Variants in HSPA12A observed in about 807,000 individuals in gnomAD.
HSPA12A encodes the protein heat shock protein family A (Hsp70) member 12A.
In HSPA12A, 28 loss-of-function variants were observed where a neutral mutation model predicts 69.2. The observed-to-expected ratio is 0.40, with a 90% CI of 0.30 to 0.55. The LOEUF (loss-of-function observed/expected upper bound fraction) is 0.55, where lower values mean the gene tolerates loss of function less well. Among genes scored for constraint, HSPA12A ranks in the 20% least tolerant of loss-of-function variants. HSPA12A has a pLI of 0.38. For synonymous variants in HSPA12A, 345 were observed against 370.5 expected (o/e 0.93, Z 0.79); for missense variants, 686 against 900.7 (o/e 0.76, Z 3.05).
chr10:116,754,612 CAG>C (rs1843789113), intron 2 of HSPA12A, among the ~76,000 whole-genome samples: 6 of 152,290 alleles, frequency 3.9e-5, no homozygotes, highest in Admixed American at 3.9e-4. Context: ...CTGTATCTCT[CAG>C]AGTCCAAGAA....
chr10:116,718,410 C>A (rs1409879102), intron 1 of HSPA12A, among the ~76,000 whole-genome samples: 1 of 152,186 alleles, frequency 6.6e-6, no homozygotes. Flanking sequence ...CATCTCCAGG[C>A]AGGAAGGGGA....
chr10:116,823,622 C>A (rs1460259106), intron 2 of HSPA12A, among the ~76,000 whole-genome samples: 1 of 152,086 alleles, frequency 6.6e-6, no homozygotes, highest in Non-Finnish European at 1.5e-5. Flanking sequence ...TGCTTTTTGA[C>A]AAGGGGGTGA....
intron 1 of HSPA12A, among the ~76,000 whole-genome samples, chr10:116,714,261 G>A (rs1277051096): frequency 6.6e-6 from 1 of 152,094 alleles, no homozygotes; most frequent in Admixed American, 6.5e-5. Flanking sequence ...ACTCTCTTGA[G>A]TTGGATATTA....
intron 2 of HSPA12A, among the ~76,000 whole-genome samples, chr10:116,765,225 T>C (rs1554889633): frequency 6.6e-6 from 1 of 152,204 alleles, no homozygotes; most frequent in Non-Finnish European, 1.5e-5. Flanking sequence ...TTTTGGTTTC[T>C]AAATACCATT....
At chr10:116,784,088 C>A (rs1378027094) in intron 2 of HSPA12A, among the ~76,000 whole-genome samples, 6 of 152,240 alleles carry the variant, frequency 3.9e-5, no homozygotes, top group African/African-American at 1.4e-4. Context: ...ACATCAGGAC[C>A]TGGTTGCAGT....
intron 10 of HSPA12A, among the ~76,000 whole-genome samples, chr10:116,678,285 G>A (rs1849297364): frequency 7.0e-6 from 1 of 142,756 alleles, no homozygotes; most frequent in South Asian, 2.2e-4. Flanking sequence ...CCACCCGTAA[G>A]GCAGATATGC....
upstream of HSPA12A, among the ~76,000 whole-genome samples, chr10:116,746,239 C>G (rs1164961891): frequency 6.6e-6 from 1 of 152,124 alleles, no homozygotes; most frequent in Non-Finnish European, 1.5e-5. Flanking sequence ...AAATAGAAGT[C>G]AGAGTCCAGA....
chr10:116,756,126 G>C (rs1843844384), intron 2 of HSPA12A, among the ~76,000 whole-genome samples: 1 of 152,176 alleles, frequency 6.6e-6, no homozygotes, highest in South Asian at 2.1e-4. Flanking sequence ...GAGGGATAAT[G>C]AGGGAGGCTT....
At chr10:116,743,488 C>T (rs1399567686), upstream of HSPA12A, among the ~76,000 whole-genome samples, 1 of 152,218 alleles carries the variant, frequency 6.6e-6, no homozygotes, top group Non-Finnish European at 1.5e-5. Context: ...ATCTCCTTTC[C>T]TCCCCATAAC....
chr10:116,700,965 T>C lies in HSPA12A; in HGVS notation c.419A>G (p.Lys140Arg), dbSNP rs782263094. 1.2e-6 allele frequency: 2 copies of C among 1,613,898 alleles called. No homozygotes were observed. Among genetic ancestry groups the C allele is most frequent in the Admixed American group, 1.7e-5 (1 of 60,020 alleles). The change falls in exon 4 of 12, where the codon AAG becomes AGG. Residue 140 changes from lysine to arginine, a missense_variant. Physicochemically the swap from Lys to Arg is conservative, Grantham distance 26 (BLOSUM62 2). Coordinates refer to ENST00000369209, the MANE Select transcript of HSPA12A (RefSeq NM_025015.3). ...AKQWLYLEKF[K>R]MKLHTTGDLT... ...CACCCCAGTGGTGTGCAGCTTCATC[T>C]TGAACTTCTCCAGGTACAGCCACTG... is the stretch of plus-strand genomic sequence containing the variant.
chr10:116,752,111 T>C (rs1167524260), intron 2 of HSPA12A, among the ~76,000 whole-genome samples: 4 of 152,208 alleles, frequency 2.6e-5, no homozygotes, highest in Admixed American at 2.0e-4. Context: ...TCCACACTTA[T>C]GTTGGCCTCT....
intron 1 of HSPA12A, among the ~76,000 whole-genome samples, chr10:116,726,799 T>C (rs1169529085): frequency 6.6e-6 from 1 of 152,164 alleles, no homozygotes; most frequent in Admixed American, 6.5e-5. Flanking sequence ...GAAAATGAAG[T>C]TGGCTCACAG....
intron 2 of HSPA12A, chr10:116,833,227 G>A (rs1380041702): frequency 1.3e-5 from 2 of 152,224 alleles, no homozygotes; most frequent in African/African-American, 4.8e-5. Context: ...GTGCTCAAGT[G>A]CTGGTGCGTC....
intron 2 of HSPA12A, among the ~76,000 whole-genome samples, chr10:116,823,538 T>C (rs530230724): frequency 1.3e-5 from 2 of 152,342 alleles, no homozygotes; most frequent in Non-Finnish European, 2.9e-5. Context: ...GTGGTACTTG[T>C]ATAGGGCTAG....
At chr10:116,802,670 A>G (rs571567540) in intron 2 of HSPA12A, among the ~76,000 whole-genome samples, 1 of 152,376 alleles carries the variant, frequency 6.6e-6, no homozygotes, top group East Asian at 1.9e-4. Context: ...CAGGAAAGTC[A>G]CCGGGGCCAC....
intron 2 of HSPA12A, chr10:116,830,719 G>A (rs1845598172): frequency 6.6e-6 from 1 of 152,124 alleles, no homozygotes. Context: ...GCTGCAGTGA[G>A]CCGTGATCAT....
intron 2 of HSPA12A, among the ~76,000 whole-genome samples, chr10:116,784,428 T>C (rs369279454): frequency 1.3e-4 from 20 of 152,362 alleles, no homozygotes; most frequent in African/African-American, 4.8e-4. Context: ...TATTGGTTTA[T>C]CTTCCTATTA....
At chr10:116,767,091 G>T (rs1470415518) in intron 2 of HSPA12A, among the ~76,000 whole-genome samples, 1 of 152,142 alleles carries the variant, frequency 6.6e-6, no homozygotes, top group East Asian at 1.9e-4. Flanking sequence ...GGCCTCTGGG[G>T]GCTAGAGCGG....
chr10:116,727,207 G>A (rs1053911004), intron 1 of HSPA12A, among the ~76,000 whole-genome samples: 5 of 152,086 alleles, frequency 3.3e-5, no homozygotes, highest in South Asian at 2.1e-4. Context: ...ACAGAATTCC[G>A]CAACTTGGGC....
Sources: allele counts gnomAD v4.1 joint callset (sites outside exome capture counted in the v4.1 genomes callset), GRCh38; gene constraint gnomAD v4.1.1; transcripts MANE v1.5; gene names NCBI Gene and HGNC (gene_info 2026-07-23, HGNC 2026-07-21).